Variants in KCNH7 observed in about 807,000 individuals in gnomAD.
The protein encoded by KCNH7 is potassium voltage-gated channel subfamily H member 7, also known as voltage-gated inwardly rectifying potassium channel KCNH7.
KCNH7 carries 49 observed loss-of-function variants against 120.8 expected under a neutral mutation model. That is an observed-to-expected ratio of 0.41 (90% CI 0.32 to 0.51). The LOEUF (loss-of-function observed/expected upper bound fraction) is 0.51, where lower values mean the gene tolerates loss of function less well. KCNH7 is among the 20% of genes least tolerant of loss of function. The pLI is 0.38. For missense variants in KCNH7, 1,097 were observed against 1,446.6 expected, an observed-to-expected ratio of 0.76 and a Z score of 3.92; for synonymous variants, 547 against 516.1, an observed-to-expected ratio of 1.06 and a Z score of -0.81.
intron 2 of KCNH7, among the ~76,000 whole-genome samples, chr2:162,701,840 C>G (rs986304176): frequency 6.6e-6 from 1 of 152,016 alleles, no homozygotes; most frequent in African/African-American, 2.4e-5. Context: ...AACCCCATCT[C>G]TACTAAAAAT....
In KCNH7 at chr2:162,380,059, G is replaced by T; in HGVS notation, c.2963-38C>A. The T allele has an allele frequency of 1.2e-6, 2 of 1,605,514 alleles. 1 individual carries two copies. The stretch of plus-strand genomic sequence containing the variant: ...GCAAGATGGATGTCAACACTCTTAG[G>T]TGCCCCTTTGCGTCAATAATTCATA... On this transcript the variant is annotated intron_variant, in intron 13 of 15. Coordinates refer to ENST00000332142, the MANE Select transcript of KCNH7 (RefSeq NM_033272.4).
chr2:162,415,667 C>A lies in KCNH7; in HGVS notation c.2154+7669G>T, dbSNP rs80147541. Among the ~76,000 whole-genome samples, 307 of 152,046 alleles carry A rather than the reference C, an allele frequency of 2.0e-3. 1 individual carries two copies. The highest frequency in any genetic ancestry group is 7.1e-3 in the African/African-American group (294 of 41,498). ...TATAAAACCATAAACTTATGACAAC[C>A]AATCATTAATGTTTAATAACAATTT... is the stretch of plus-strand genomic sequence containing the variant. On this transcript the variant is annotated intron_variant, in intron 9 of 15. Transcript: ENST00000332142.
chr2:162,726,237 T>C (rs35850134), intron 2 of KCNH7, among the ~76,000 whole-genome samples: 3,229 of 152,286 alleles, frequency 0.021, 71 homozygotes, highest in East Asian at 0.11. Context: ...TAGGGTTTTC[T>C]GCAGTGTAAG....
intron 4 of KCNH7, among the ~76,000 whole-genome samples, chr2:162,514,338 G>C (rs1379529206): frequency 6.6e-6 from 1 of 151,750 alleles, no homozygotes; most frequent in African/African-American, 2.4e-5. Context: ...GTCAGAAGCT[G>C]GGTCCAAAAA....
chr2:162,446,382 T>C lies in KCNH7; in HGVS notation c.1190A>G (p.Lys397Arg). 2.5e-6 allele frequency: 4 copies of C among 1,613,652 alleles called. No homozygotes were observed. The highest frequency in any genetic ancestry group is 3.4e-6 in the Non-Finnish European group (4 of 1,179,700). ...AGGGCTGTAGTGCAATATCGTAAAC[T>C]TGTTGATGCGTGGTGTCTGCAGTTT... The part of the protein sequence containing the change: ...EYKLQTPRIN[K>R]FTILHYSPFK... Residue 397 changes from lysine to arginine, a missense_variant, in exon 7 of 16, where the codon AAG becomes AGG. Physicochemically the swap from Lys to Arg is conservative, Grantham distance 26. This residue lies in a region of KCNH7 where 362 missense variants were observed against 372.2 expected (regional missense o/e 0.97). Transcript: ENST00000332142.
At chr2:162,732,046 G>GT (rs1687747368) in intron 2 of KCNH7, among the ~76,000 whole-genome samples, 1 of 152,168 alleles carries the variant, frequency 6.6e-6, no homozygotes, top group Admixed American at 6.5e-5. Flanking sequence ...CTAGGCAGAT[G>GT]TTGAAGGGGC....
At chr2:162,735,376 T>C (rs1232228657) in intron 2 of KCNH7, among the ~76,000 whole-genome samples, 1 of 152,186 alleles carries the variant, frequency 6.6e-6, no homozygotes, top group Non-Finnish European at 1.5e-5. Flanking sequence ...TGCTAAAGAA[T>C]AAGCATAGTT....
At chr2:162,581,129 A>C (rs1693852233) in intron 2 of KCNH7, among the ~76,000 whole-genome samples, 2 of 152,052 alleles carry the variant, frequency 1.3e-5, no homozygotes, top group Non-Finnish European at 2.9e-5. Context: ...CACGCAACTG[A>C]AATTTGATAG....
chr2:162,649,532 G>A (rs904234840), intron 2 of KCNH7, among the ~76,000 whole-genome samples: 2 of 152,116 alleles, frequency 1.3e-5, no homozygotes, highest in Non-Finnish European at 2.9e-5. Flanking sequence ...AGTACAGCAT[G>A]TGTTTTCTTG....
intron 2 of KCNH7, among the ~76,000 whole-genome samples, chr2:162,759,795 A>G (rs774863035): frequency 5.3e-5 from 8 of 152,056 alleles, no homozygotes; most frequent in Non-Finnish European, 8.8e-5. Context: ...AAAATGAGAG[A>G]ATTTTGAAAC....
intron 2 of KCNH7, among the ~76,000 whole-genome samples, chr2:162,741,794 A>T (rs1057114264): frequency 6.6e-6 from 1 of 152,188 alleles, no homozygotes; most frequent in African/African-American, 2.4e-5. Flanking sequence ...CAAAATATAC[A>T]GTCATTTTTA....
chr2:162,558,503 CTTTT>C lies in KCNH7; in HGVS notation c.308-21427_308-21424del, dbSNP rs71410015. 5.5e-3 allele frequency among the ~76,000 whole-genome samples: 444 copies of C among 80,674 alleles called. 13 individuals are homozygous for C. In the East Asian group the frequency reaches 0.13, roughly 23 times the overall value. The allele number at this position is 80,674 out of a possible 152,430, so 52.9% of individuals were successfully genotyped here. A position where few individuals can be genotyped will look rare whatever the true frequency, so the allele number is the denominator to read the frequency against. ...TCTTTCTTTTGCATTTTCTCAATGG[CTTTT>C]TTTTTTTTTTTTTTTTTTGCCGAAA... On this transcript the variant is annotated intron_variant, in intron 2 of 15. Transcript: ENST00000332142.
intron 9 of KCNH7, among the ~76,000 whole-genome samples, chr2:162,420,809 T>C (rs1205232705): frequency 1.3e-5 from 2 of 152,180 alleles, no homozygotes; most frequent in Non-Finnish European, 2.9e-5. Context: ...TGATGCGAAA[T>C]ACAAGTTTAA....
intron 2 of KCNH7, among the ~76,000 whole-genome samples, chr2:162,644,890 C>A (rs1574213275): frequency 6.6e-6 from 1 of 152,036 alleles, no homozygotes; most frequent in African/African-American, 2.4e-5. Flanking sequence ...ATGCAGAATG[C>A]CTATTTAACC....
chr2:162,409,510 G>C (rs1687324977), intron 9 of KCNH7, among the ~76,000 whole-genome samples: 1 of 151,710 alleles, frequency 6.6e-6, no homozygotes, highest in South Asian at 2.1e-4. Flanking sequence ...TTATAAAATA[G>C]ATGCAAAATA....
At chr2:162,597,489 A>G (rs1038312793) in intron 2 of KCNH7, among the ~76,000 whole-genome samples, 3 of 152,114 alleles carry the variant, frequency 2.0e-5, no homozygotes, top group African/African-American at 7.2e-5. Context: ...TAAAAATTCA[A>G]ACTTATAGAA....
chr2:162,607,710 A>T (rs1367599509), intron 2 of KCNH7, among the ~76,000 whole-genome samples: 1 of 152,140 alleles, frequency 6.6e-6, no homozygotes, highest in Non-Finnish European at 1.5e-5. Flanking sequence ...ATATTTCAAT[A>T]ACAATTGCAT....
chr2:162,825,328 G>T (rs1685244611), intron 2 of KCNH7, among the ~76,000 whole-genome samples: 1 of 151,784 alleles, frequency 6.6e-6, no homozygotes, highest in African/African-American at 2.4e-5. Flanking sequence ...TTTTCTACAT[G>T]TGTTTTTCAA....
chr2:162,809,628 G>C (rs1304495278), intron 2 of KCNH7, among the ~76,000 whole-genome samples: 1 of 152,014 alleles, frequency 6.6e-6, no homozygotes, highest in Non-Finnish European at 1.5e-5. Flanking sequence ...TAAGACCATT[G>C]GATCTTGCAA....
Sources: gnomAD v4.1 joint callset for allele counts (sites outside exome capture counted in the v4.1 genomes callset) on GRCh38, gnomAD v4.1.1 for gene constraint, gnomAD v4.1.1 regional missense constraint, MANE v1.5 for transcripts, NCBI Gene and HGNC (gene_info 2026-07-23, HGNC 2026-07-21) for gene names.